The following TRAPPC9 variants were observed in gnomAD, a reference collection of about 807,000 sequenced individuals.
TRAPPC9 encodes the protein trafficking protein particle complex subunit 9.
Under a neutral mutation model 124.0 loss-of-function variants are expected in TRAPPC9, and 83 were observed. The observed-to-expected ratio is 0.67, with a 90% CI of 0.56 to 0.80. The LOEUF (loss-of-function observed/expected upper bound fraction) is 0.80, where lower values mean the gene tolerates loss of function less well. Among genes scored for constraint, TRAPPC9 ranks in the 30% least tolerant of loss-of-function variants. TRAPPC9 has a pLI of 0.00. For missense variants in TRAPPC9, 1,302 were observed against 1,508.3 expected (o/e 0.86, Z 2.27); for synonymous variants, 638 against 617.5 (o/e 1.03, Z -0.49).
chr8:139,870,654 C>T (rs1433954072), intron 21 of TRAPPC9, among the ~76,000 whole-genome samples: 1 of 152,020 alleles, frequency 6.6e-6, no homozygotes, highest in Non-Finnish European at 1.5e-5. Context: ...TAAAAATAAA[C>T]AAACATGGTA....
At position 140,306,058 on chromosome 8, in the gene TRAPPC9, T is replaced by C. The variant is rs531946419; in HGVS notation, c.1622+5190A>G. On this transcript the variant is annotated intron_variant, in intron 10 of 22. Coordinates refer to ENST00000438773, the MANE Select transcript of TRAPPC9 (RefSeq NM_001160372.4). ...CCTTTCTGAAACCTACAGAGATGCG[T>C]ACACATCAGTATCCCTCACACATCA... Among the ~76,000 whole-genome samples, 6 of 152,312 alleles carry C rather than the reference T, an allele frequency of 3.9e-5. No homozygotes were observed. The East Asian group carries it at 9.6e-4, about 24-fold the overall frequency.
chr8:140,145,703 TTTTG>T (rs2061452335), intron 17 of TRAPPC9, among the ~76,000 whole-genome samples: 1 of 151,592 alleles, frequency 6.6e-6, no homozygotes. Context: ...TTTGGGGGGT[TTTTG>T]TTTTTGTTTT....
intron 21 of TRAPPC9, among the ~76,000 whole-genome samples, chr8:139,856,734 C>CAA (rs35682231): frequency 3.6e-4 from 46 of 128,594 alleles, no homozygotes; most frequent in African/African-American, 1.2e-3. Context: ...CCAGCACCTG[C>CAA]AAAAAAAAAA....
chr8:140,139,744 A>G (rs776886399), intron 17 of TRAPPC9, among the ~76,000 whole-genome samples: 2 of 152,158 alleles, frequency 1.3e-5, no homozygotes, highest in Non-Finnish European at 2.9e-5. Context: ...GACAGCTGCT[A>G]CCCTGGGGAG....
intron 7 of TRAPPC9, among the ~76,000 whole-genome samples, chr8:140,375,309 T>C (rs1411223353): frequency 6.6e-6 from 1 of 152,148 alleles, no homozygotes; most frequent in Non-Finnish European, 1.5e-5. Context: ...GGCCCAGATG[T>C]TTATGTGAGG....
chr8:140,405,504 A>G, intron 6 of TRAPPC9, 73 bp downstream of exon 6: 1 of 1,523,256 alleles, frequency 6.6e-7, no homozygotes, highest in Non-Finnish European at 9.1e-7. Context: ...CTGCAGCATT[A>G]CACAATGTAA....
intron 9 of TRAPPC9, among the ~76,000 whole-genome samples, chr8:140,357,421 G>A (rs1478499267): frequency 6.6e-6 from 1 of 152,126 alleles, no homozygotes; most frequent in East Asian, 1.9e-4. Flanking sequence ...TGCTTACTGA[G>A]GTGAGGTATG....
At position 140,360,191 on chromosome 8, in the gene TRAPPC9, T is replaced by G; in HGVS notation, c.1354A>C (p.Thr452Pro). 1 of 1,614,178 alleles carries G rather than the reference T, an allele frequency of 6.2e-7. No individual in the cohort carries two copies. The highest frequency in any genetic ancestry group is 8.5e-7 in the Non-Finnish European group (1 of 1,180,040). Reference sequence around the variant, plus strand: ...TGGACCGCAGCCCAGCCTCTGTGCGTGCCTGCGATGGAAGTTACAAAACAT... The same window carrying G: ...TGGACCGCAGCCCAGCCTCTGTGCGGGCCTGCGATGGAAGTTACAAAACAT... Reference protein sequence around the residue: ...SLDPKDFSRGTHRGWAAVQMR... With the variant: ...SLDPKDFSRGPHRGWAAVQMR... Residue 452 changes from threonine (T) to proline (P), a missense_variant and splice_region_variant, in exon 9 of 23, where the codon ACG (threonine) becomes CCG (proline). By Grantham distance (38) the Thr-to-Pro change is conservative. Coordinates refer to ENST00000438773, the MANE Select transcript of TRAPPC9 (RefSeq NM_001160372.4).
intron 6 of TRAPPC9, among the ~76,000 whole-genome samples, chr8:140,400,885 T>C (rs1346328741): frequency 6.6e-6 from 1 of 152,206 alleles, no homozygotes; most frequent in African/African-American, 2.4e-5. Context: ...AAATCCTCCA[T>C]GCTAGCCATT....
intron 17 of TRAPPC9, among the ~76,000 whole-genome samples, chr8:140,080,298 C>G (rs762688073): frequency 2.0e-5 from 3 of 152,228 alleles, no homozygotes; most frequent in African/African-American, 7.2e-5. Flanking sequence ...CAACAGCTAA[C>G]AGTACAAAAC....
chr8:139,820,007 C>CAAAAA (rs35064399), intron 21 of TRAPPC9, among the ~76,000 whole-genome samples: 3 of 51,802 alleles, frequency 5.8e-5, no homozygotes, highest in East Asian at 6.7e-4. Flanking sequence ...GACTCTGTCT[C>CAAAAA]AAAAAAAAAA....
intron 17 of TRAPPC9, among the ~76,000 whole-genome samples, chr8:140,037,223 CTGATCTCTT>C (rs1840953061): frequency 6.6e-6 from 1 of 152,086 alleles, no homozygotes; most frequent in East Asian, 1.9e-4. Flanking sequence ...AGCGAGTGAT[CTGATCTCTT>C]CAGGCAGCAG....
At chr8:140,388,709 G>A (rs528179559) in intron 7 of TRAPPC9, among the ~76,000 whole-genome samples, 5 of 151,610 alleles carry the variant, frequency 3.3e-5, no homozygotes, top group South Asian at 2.1e-4. Flanking sequence ...TTAGTTGGGC[G>A]TGGTGGTGCA....
chr8:140,316,928 T>A (rs553140821), intron 9 of TRAPPC9, among the ~76,000 whole-genome samples: 28 of 152,352 alleles, frequency 1.8e-4, no homozygotes, highest in African/African-American at 6.5e-4. Context: ...ATTTTCTATT[T>A]CTTCATGATT....
chr8:140,441,317 G>C (rs1255928179), intron 2 of TRAPPC9, among the ~76,000 whole-genome samples: 3 of 151,700 alleles, frequency 2.0e-5, no homozygotes, highest in Non-Finnish European at 4.4e-5. Context: ...CACTTCCTTG[G>C]TATGTTATCC....
intron 9 of TRAPPC9, among the ~76,000 whole-genome samples, chr8:140,340,819 G>T (rs569875289): frequency 2.3e-4 from 35 of 152,296 alleles, no homozygotes; most frequent in African/African-American, 8.2e-4. Context: ...ACCCATGAAT[G>T]ATATGCATAC....
At chr8:140,160,846 T>G (rs1009953755) in intron 17 of TRAPPC9, among the ~76,000 whole-genome samples, 7 of 151,094 alleles carry the variant, frequency 4.6e-5, no homozygotes, top group African/African-American at 1.2e-4. Flanking sequence ...AAAAAAAAAG[T>G]TTCTGCCCTA....
chr8:140,072,326 T>A (rs1041250943), intron 17 of TRAPPC9, among the ~76,000 whole-genome samples: 3 of 151,504 alleles, frequency 2.0e-5, no homozygotes, highest in Non-Finnish European at 4.4e-5. Flanking sequence ...AAGTCAGGAG[T>A]TCAAGACCAT....
intron 21 of TRAPPC9, among the ~76,000 whole-genome samples, chr8:139,769,111 T>G (rs1006829358): frequency 6.6e-6 from 1 of 152,198 alleles, no homozygotes; most frequent in African/African-American, 2.4e-5. Context: ...CTGTAGTGCT[T>G]TGTTAGAAAA....
Sources: allele counts gnomAD v4.1 joint callset (sites outside exome capture counted in the v4.1 genomes callset), GRCh38; gene constraint gnomAD v4.1.1; transcripts MANE v1.5; gene names NCBI Gene and HGNC (gene_info 2026-07-23, HGNC 2026-07-21).